The following HERC5 variants were observed in gnomAD, a reference collection of about 807,000 sequenced individuals.
HERC5 encodes the protein HECT and RLD domain containing E3 ubiquitin protein ligase 5.
HERC5 carries 99 observed loss-of-function variants against 119.6 expected under a neutral mutation model. The observed-to-expected ratio is 0.83, with a 90% CI of 0.70 to 0.98. The LOEUF is 0.98. Among genes scored for constraint, HERC5 ranks in the 50% least tolerant of loss-of-function variants. The pLI, the probability that HERC5 is intolerant of heterozygous loss-of-function variation, is 0.00. For missense variants in HERC5, 1,267 were observed against 1,241.3 expected (o/e 1.02, Z -0.31); for synonymous variants, 478 against 445.9 (o/e 1.07, Z -0.91).
At chr4:88,482,483 C>G (rs1219366983) in intron 13 of HERC5, among the ~76,000 whole-genome samples, 4 of 152,230 alleles carry the variant, frequency 2.6e-5, no homozygotes. Flanking sequence ...CACCACAGAC[C>G]CTCCGTAGCC....
chr4:88,466,407 G>T (rs1740665345), intron 6 of HERC5, among the ~76,000 whole-genome samples: 1 of 152,130 alleles, frequency 6.6e-6, no homozygotes, highest in Admixed American at 6.5e-5. Flanking sequence ...TATTGCTGAG[G>T]CATGATTGGT....
intron 18 of HERC5, among the ~76,000 whole-genome samples, chr4:88,499,259 G>A (rs1447168042): frequency 1.3e-5 from 2 of 152,210 alleles, no homozygotes; most frequent in Admixed American, 6.5e-5. Flanking sequence ...CCCTATGCCT[G>A]CTATAGTAGG....
chr4:88,467,471 A>G (rs76807720), intron 7 of HERC5, among the ~76,000 whole-genome samples: 1,736 of 152,360 alleles, frequency 0.011, 18 homozygotes, highest in Middle Eastern at 0.041. Flanking sequence ...TGCAGCTCTC[A>G]TTCCAGTTTG....
At chr4:88,494,583 A>T (rs1741746040) in intron 18 of HERC5, among the ~76,000 whole-genome samples, 1 of 152,228 alleles carries the variant, frequency 6.6e-6, no homozygotes, top group African/African-American at 2.4e-5. Flanking sequence ...ACAGTCATGC[A>T]CAGAGCACAG....
chr4:88,457,730 A>G (rs937750282), intron 1 of HERC5, among the ~76,000 whole-genome samples, 196 bp downstream of exon 1: 1 of 152,168 alleles, frequency 6.6e-6, no homozygotes, highest in Admixed American at 6.5e-5. Flanking sequence ...GCGCGGGGTG[A>G]GCGGGATACT....
intron 16 of HERC5, among the ~76,000 whole-genome samples, chr4:88,490,677 C>G (rs1003726197): frequency 6.6e-6 from 1 of 152,076 alleles, no homozygotes; most frequent in Non-Finnish European, 1.5e-5. Flanking sequence ...AACCCCATCT[C>G]TACTAAAAAT....
intron 17 of HERC5, among the ~76,000 whole-genome samples, chr4:88,493,630 A>G (rs1283635073): frequency 6.6e-6 from 1 of 152,012 alleles, no homozygotes; most frequent in African/African-American, 2.4e-5. Context: ...TTTTTGAGAC[A>G]GAATCTCACT....
At chr4:88,464,114 ATAT>A in intron 6 of HERC5, 129 bp downstream of exon 6, 1 of 632,520 alleles carries the variant, frequency 1.6e-6, no homozygotes, top group South Asian at 3.4e-5. Flanking sequence ...TGCTTAATTT[ATAT>A]TATTTAGATA....
rs1466826880 is a variant in HERC5, at chr4:88,457,229, C to G, written c.-41C>G. On this transcript the variant is annotated 5_prime_UTR_variant, in exon 1 of 23. Transcript: ENST00000264350. ...GCGCTCAGTCCCGGGACCAGGCGTT[C>G]TCTCCTCTCGCCTCTGGGCCTGGGA... 2.3e-6 allele frequency: 3 copies of G among 1,292,598 alleles called. No individual in the cohort carries two copies. Among genetic ancestry groups the G allele is most frequent in the Admixed American group, 4.2e-5 (1 of 23,932 alleles). 80.1% of individuals were successfully genotyped at this position (1,292,598 alleles called of 1,614,324 possible). A position where few individuals can be genotyped will look rare whatever the true frequency, so the allele number is the denominator to read the frequency against.
At chr4:88,470,574 C>T (rs1014701448) in intron 9 of HERC5, 40 bp from the exon 10 acceptor site, 4 of 1,005,830 alleles carry the variant, frequency 4.0e-6, no homozygotes, top group Non-Finnish European at 1.6e-6. Context: ...GTATGTATAC[C>T]ATGTGATTTG....
At chr4:88,473,305 C>T in intron 11 of HERC5, 1 of 151,744 alleles carries the variant, frequency 6.6e-6, no homozygotes, top group Non-Finnish European at 1.5e-5. Flanking sequence ...TCCTTCCCTC[C>T]TCCCCTCCTT....
At chr4:88,484,308 G>T (rs994010715) in intron 13 of HERC5, among the ~76,000 whole-genome samples, 13 of 152,052 alleles carry the variant, frequency 8.5e-5, no homozygotes, top group African/African-American at 2.9e-4. Context: ...TCTTCCTCCT[G>T]ATGTCTTTAT....
At chr4:88,471,067 G>A (rs1740854893) in intron 10 of HERC5, among the ~76,000 whole-genome samples, 2 of 151,898 alleles carry the variant, frequency 1.3e-5, no homozygotes, top group South Asian at 2.1e-4. Context: ...TGCCTCCTAG[G>A]CTCAAGCAGT....
chr4:88,470,309 G>A (rs971283774), intron 9 of HERC5, among the ~76,000 whole-genome samples: 2 of 152,184 alleles, frequency 1.3e-5, no homozygotes, highest in Non-Finnish European at 2.9e-5. Context: ...TGGGGTGGGA[G>A]TATTTTGTTT....
intron 16 of HERC5, among the ~76,000 whole-genome samples, chr4:88,492,126 C>A (rs544402835): frequency 1.1e-4 from 17 of 151,970 alleles, no homozygotes; most frequent in Non-Finnish European, 2.5e-4. Context: ...GCCTCAGCCT[C>A]CTGAGTAGCT....
intron 9 of HERC5, 45 bp from the exon 10 acceptor site, chr4:88,470,569 T>G (rs766253979): frequency 2.1e-6 from 2 of 953,386 alleles, no homozygotes; most frequent in Admixed American, 3.8e-5. Flanking sequence ...TGTATGTATG[T>G]ATACCATGTG....
chr4:88,492,314 ATTTC>A (rs1428352557), intron 16 of HERC5, among the ~76,000 whole-genome samples: 1 of 151,630 alleles, frequency 6.6e-6, no homozygotes. Flanking sequence ...AATTTTTATG[ATTTC>A]TTTCTGTTTA....
chr4:88,472,333 T>A, intron 10 of HERC5, 76 bp from the exon 11 acceptor site: 1 of 805,168 alleles, frequency 1.2e-6, no homozygotes, highest in Non-Finnish European at 2.1e-6. Flanking sequence ...TTTGTTGAAA[T>A]GGGGCAAGCT....
chr4:88,493,189 C>T (rs760854685), intron 17 of HERC5, 34 bp downstream of exon 17: 58 of 1,604,420 alleles, frequency 3.6e-5, no homozygotes, highest in African/African-American at 1.9e-4. Flanking sequence ...AGGTATTTTG[C>T]GACAGAAAAA....
Sources: gnomAD v4.1 joint callset for allele counts (sites outside exome capture counted in the v4.1 genomes callset) on GRCh38, gnomAD v4.1.1 for gene constraint, MANE v1.5 for transcripts, NCBI Gene and HGNC (gene_info 2026-07-23, HGNC 2026-07-21) for gene names.